The following GPC5 variants were observed in gnomAD, a reference collection of about 807,000 sequenced individuals.
The protein encoded by GPC5 is glypican 5, also known as glypican-5.
A neutral mutation model predicts 53.9 loss-of-function variants in GPC5; 47 were observed. That is an observed-to-expected ratio of 0.87 (90% CI 0.69 to 1.11). GPC5 has a LOEUF of 1.11. Ranked by LOEUF, GPC5 falls within the 50% of genes most tolerant of loss-of-function variation. GPC5 has a pLI of 0.00. For synonymous variants in GPC5, 286 were observed against 263.3 expected (o/e 1.09, Z -0.84); for missense variants, 748 against 713.1 (o/e 1.05, Z -0.56).
chr13:91,583,637 T>C (rs2032452963), intron 2 of GPC5, among the ~76,000 whole-genome samples: 1 of 152,132 alleles, frequency 6.6e-6, no homozygotes, highest in South Asian at 2.1e-4. Flanking sequence ...AATGCTGATT[T>C]CAAAATGTAT....
chr13:92,301,779 T>A (rs987602456), intron 7 of GPC5, among the ~76,000 whole-genome samples: 1 of 151,988 alleles, frequency 6.6e-6, no homozygotes, highest in South Asian at 2.1e-4. Flanking sequence ...AAAAAAGTAG[T>A]GCCAGCTACT....
intron 7 of GPC5, among the ~76,000 whole-genome samples, chr13:92,373,751 T>G (rs777962860): frequency 3.9e-5 from 6 of 152,154 alleles, no homozygotes; most frequent in Admixed American, 6.5e-5. Flanking sequence ...AAATGAAAAT[T>G]TCAATATAGA....
At chr13:92,838,085 TA>T (rs112798292) in intron 7 of GPC5, among the ~76,000 whole-genome samples, 81 of 136,614 alleles carry the variant, frequency 5.9e-4, no homozygotes, top group Middle Eastern at 4.2e-3. Context: ...TCTCAAAAAA[TA>T]AAAAAAAAAA....
At chr13:92,036,857 C>A (rs774631876) in intron 6 of GPC5, among the ~76,000 whole-genome samples, 50 of 152,230 alleles carry the variant, frequency 3.3e-4, no homozygotes, top group Admixed American at 5.9e-4. Flanking sequence ...CAGTATATAA[C>A]CACCATCCAG....
At chr13:92,669,810 ACT>A in intron 7 of GPC5, among the ~76,000 whole-genome samples, 1 of 152,040 alleles carries the variant, frequency 6.6e-6, no homozygotes, top group South Asian at 2.1e-4. Flanking sequence ...CAAGGCACCT[ACT>A]CAGGAGTCCT....
intron 7 of GPC5, among the ~76,000 whole-genome samples, chr13:92,268,761 A>C (rs1198128306): frequency 3.3e-5 from 5 of 152,066 alleles, no homozygotes; most frequent in Non-Finnish European, 7.4e-5. Context: ...CTTTATGTCT[A>C]AACAGTATCA....
chr13:91,545,865 A>T (rs778773187), intron 2 of GPC5, among the ~76,000 whole-genome samples: 1 of 152,084 alleles, frequency 6.6e-6, no homozygotes, highest in Non-Finnish European at 1.5e-5. Context: ...ATGTTTTCAG[A>T]TATATTTTTC....
At chr13:92,148,679 T>G (rs1330316592) in intron 7 of GPC5, among the ~76,000 whole-genome samples, 2 of 152,210 alleles carry the variant, frequency 1.3e-5, no homozygotes, top group East Asian at 3.9e-4. Context: ...GGAATGGCTT[T>G]GAACTTAAAA....
intron 7 of GPC5, among the ~76,000 whole-genome samples, chr13:92,730,775 G>A (rs1384738138): frequency 2.0e-5 from 3 of 151,344 alleles, no homozygotes; most frequent in African/African-American, 7.3e-5. Flanking sequence ...CTGCAAAACT[G>A]GCAAATGCAA....
intron 7 of GPC5, among the ~76,000 whole-genome samples, chr13:92,679,339 A>G (rs1887045472): frequency 6.6e-6 from 1 of 152,182 alleles, no homozygotes; most frequent in African/African-American, 2.4e-5. Flanking sequence ...TATTGTATTT[A>G]ATTCCCTATA....
intron 2 of GPC5, among the ~76,000 whole-genome samples, chr13:91,570,024 A>G (rs2031712391): frequency 6.6e-6 from 1 of 152,218 alleles, no homozygotes. Flanking sequence ...AAGGTTTGTA[A>G]TTTTAGAGTG....
rs1285306940 is a variant in GPC5 at position 92,638,994 on chromosome 13, C to CGT, written c.1562-227288_1562-227287insGT. ...ATCTGTTTACACCATATAAATTCTACATATAAATAGGTGGAGAGGTAGTCA... is the reference window on the plus strand; with the variant it reads ...ATCTGTTTACACCATATAAATTCTACGTATATAAATAGGTGGAGAGGTAGTCA... On this transcript the variant is annotated intron_variant, in intron 7 of 7. Transcript: ENST00000377067. Among the ~76,000 whole-genome samples the CGT allele has an allele frequency of 8.5e-3, 1,301 of 152,194 alleles. 19 individuals carry two copies. Among genetic ancestry groups the CGT allele is most frequent in the African/African-American group, 0.03 (1,248 of 41,512 alleles).
intron 6 of GPC5, among the ~76,000 whole-genome samples, chr13:92,077,297 G>A (rs953979474): frequency 5.9e-5 from 9 of 152,080 alleles, no homozygotes; most frequent in South Asian, 4.1e-4. Context: ...ATATTTTACC[G>A]AGTTTGACTC....
At position 91,821,497 on chromosome 13, in the gene GPC5, G is replaced by A. The variant is rs780230137; in HGVS notation, c.1280+65077G>A. ...TCCTACAATGTTGAATAAAAGTGGAGATATTTCTTCTGATAATGATTCTAA... is the reference window on the plus strand; with the variant it reads ...TCCTACAATGTTGAATAAAAGTGGAAATATTTCTTCTGATAATGATTCTAA... On this transcript the variant is annotated intron_variant, in intron 5 of 7. Transcript: ENST00000377067. Among the ~76,000 whole-genome samples, 5 of 152,240 alleles carry A rather than the reference G, an allele frequency of 3.3e-5. No homozygotes were observed. In the South Asian group the frequency reaches 1.0e-3, roughly 32 times the overall value.
intron 7 of GPC5, among the ~76,000 whole-genome samples, chr13:92,316,678 A>C (rs193146998): frequency 3.3e-5 from 5 of 152,252 alleles, no homozygotes; most frequent in Admixed American, 3.3e-4. Context: ...TATTCTTTCT[A>C]AGAATTTCAT....
chr13:91,934,742 G>A (rs1279498048), intron 6 of GPC5, among the ~76,000 whole-genome samples: 4 of 151,910 alleles, frequency 2.6e-5, no homozygotes, highest in African/African-American at 7.3e-5. Flanking sequence ...ATAGATGGTT[G>A]AGAGTTCCCA....
chr13:91,554,914 C>G (rs924565623), intron 2 of GPC5, among the ~76,000 whole-genome samples: 1 of 152,074 alleles, frequency 6.6e-6, no homozygotes, highest in Admixed American at 6.6e-5. Flanking sequence ...GCCCATCTCC[C>G]ACTTTTATGT....
chr13:92,358,314 C>T lies in GPC5; in HGVS notation c.1561+213325C>T, dbSNP rs1362853427. Among the ~76,000 whole-genome samples the T allele has an allele frequency of 1.3e-5, 2 of 149,670 alleles. 1 individual carries two copies. The highest frequency in any genetic ancestry group is 5.1e-5 in the African/African-American group (2 of 39,346). On this transcript the variant is annotated intron_variant, in intron 7 of 7. Transcript: ENST00000377067. ...TCCCAAGTTTTTGGGCAACTCCACC[C>T]CTGTGGCTCTGCAGGGAACAGACCC...
intron 7 of GPC5, among the ~76,000 whole-genome samples, chr13:92,559,727 C>G (rs1882633289): frequency 6.6e-6 from 1 of 151,644 alleles, no homozygotes; most frequent in South Asian, 2.1e-4. Flanking sequence ...AAGGCTTGGC[C>G]TAAACTTTCC....
Sources: gnomAD v4.1 joint callset for allele counts (sites outside exome capture counted in the v4.1 genomes callset) on GRCh38, gnomAD v4.1.1 for gene constraint, MANE v1.5 for transcripts, NCBI Gene and HGNC (gene_info 2026-07-23, HGNC 2026-07-21) for gene names.